The following ACP6 variants were observed in gnomAD, a reference collection of about 807,000 sequenced individuals.
ACP6 encodes the protein acid phosphatase 6, lysophosphatidic.
Under a neutral mutation model 48.1 loss-of-function variants are expected in ACP6, and 48 were observed. That is an observed-to-expected ratio of 1.00 (90% CI 0.79 to 1.27). ACP6 has a LOEUF of 1.27. ACP6 is among the 50% of genes most tolerant of loss of function. The pLI, the probability that ACP6 is intolerant of heterozygous loss-of-function variation, is 0.00. For missense variants in ACP6, 485 were observed against 529.1 expected (o/e 0.92, Z 0.82); for synonymous variants, 172 against 204.2 (o/e 0.84, Z 1.34).
chr1:147,636,235 T>C (rs1659296859), intron 5 of ACP6, among the ~76,000 whole-genome samples: 1 of 151,858 alleles, frequency 6.6e-6, no homozygotes, highest in African/African-American at 2.4e-5. Flanking sequence ...GCAAGAGAAA[T>C]AGGATGGTTA....
intron 5 of ACP6, among the ~76,000 whole-genome samples, chr1:147,635,407 C>G (rs1659271548): frequency 6.6e-6 from 1 of 152,200 alleles, no homozygotes; most frequent in African/African-American, 2.4e-5. Context: ...GATTTAACTG[C>G]TTTCATTTTC....
downstream of ACP6, among the ~76,000 whole-genome samples, chr1:147,637,847 A>G (rs1034740288): frequency 6.6e-6 from 1 of 152,154 alleles, no homozygotes; most frequent in Non-Finnish European, 1.5e-5. Context: ...CATTCATTCA[A>G]TTAGTCATCC....
intron 6 of ACP6, among the ~76,000 whole-genome samples, chr1:147,653,387 C>A (rs1016145944): frequency 1.3e-5 from 2 of 151,788 alleles, no homozygotes; most frequent in South Asian, 4.2e-4. Flanking sequence ...CCTCAGCCTC[C>A]CAAAGTGCTG....
chr1:147,654,315 TGCCTCCG>T lies in ACP6; in HGVS notation c.652_658del (p.Arg219LeufsTer12), dbSNP rs782431232. 1 of 1,614,224 alleles carries T rather than the reference TGCCTCCG, an allele frequency of 6.2e-7. No individual in the cohort carries two copies. The highest frequency in any genetic ancestry group is 1.1e-5 in the South Asian group (1 of 91,088). ...GATTCCTGGCTGTAAAGAGGCAGTC[TGCCTCCG>T]GCCTCTGACAAAAAATAAAAAGTAA... On this transcript the variant is annotated frameshift_variant, in exon 6 of 10. Transcript: ENST00000583509. LOFTEE classifies it high-confidence loss of function.
chr1:147,657,231 A>G (rs994165265), intron 4 of ACP6, among the ~76,000 whole-genome samples: 6 of 152,212 alleles, frequency 3.9e-5, no homozygotes, highest in Non-Finnish European at 7.3e-5. Context: ...AATAAGGCAC[A>G]CTTGAGTAGA....
downstream of ACP6, among the ~76,000 whole-genome samples, chr1:147,638,919 C>T (rs113133012): frequency 1.4e-4 from 22 of 152,286 alleles, no homozygotes; most frequent in Admixed American, 3.3e-4. Flanking sequence ...TGCAGTGGCA[C>T]GAACACGGGC....
At chr1:147,661,794 A>C (rs1295819020) in intron 1 of ACP6, among the ~76,000 whole-genome samples, 2 of 152,234 alleles carry the variant, frequency 1.3e-5, no homozygotes, top group Non-Finnish European at 2.9e-5. Context: ...TGAGAAAGTG[A>C]AACAACCTTA....
At chr1:147,659,142 AGGAGAG>A in intron 3 of ACP6, 103 bp from the exon 4 acceptor site, 1 of 1,179,916 alleles carries the variant, frequency 8.5e-7, no homozygotes, top group Non-Finnish European at 1.2e-6. Flanking sequence ...AGAGTACATA[AGGAGAG>A]CTATGGAACT....
At chr1:147,666,845 A>C (rs1660823741) in intron 1 of ACP6, among the ~76,000 whole-genome samples, 1 of 152,198 alleles carries the variant, frequency 6.6e-6, no homozygotes, top group Middle Eastern at 3.2e-3. Flanking sequence ...CGCTTCTTTT[A>C]GCTGAGTTTT....
At chr1:147,653,989 G>C (rs1489930780) in intron 6 of ACP6, among the ~76,000 whole-genome samples, 3 of 152,116 alleles carry the variant, frequency 2.0e-5, no homozygotes, top group African/African-American at 4.8e-5. Flanking sequence ...CTCTGGTCTA[G>C]AGTTCAGTGT....
intron 5 of ACP6, among the ~76,000 whole-genome samples, chr1:147,634,200 G>C (rs1327568482): frequency 6.6e-6 from 1 of 152,154 alleles, no homozygotes; most frequent in African/African-American, 2.4e-5. Flanking sequence ...TCTCTGATGA[G>C]TGACGTTGAG....
At position 147,645,866 on chromosome 1, in the gene ACP6, G is replaced by A. The variant is rs1659603919; in HGVS notation, c.*1557C>T. The A allele has an allele frequency of 6.6e-6, 1 of 152,092 alleles. No homozygotes were observed. Among genetic ancestry groups the A allele is most frequent in the Admixed American group, 6.5e-5 (1 of 15,272 alleles). 9.4% of individuals were successfully genotyped at this position (152,092 alleles called of 1,614,324 possible). On this transcript the variant is annotated 3_prime_UTR_variant, in exon 10 of 10. Coordinates refer to ENST00000583509, the MANE Select transcript of ACP6 (RefSeq NM_016361.5). ...TATTTGTATTGCTAATAGAATAATT[G>A]GTCAGGAAAAAAATTGACAATCCAG...
intron 5 of ACP6, among the ~76,000 whole-genome samples, chr1:147,634,418 T>C (rs587707738): frequency 1.0e-4 from 14 of 134,894 alleles, no homozygotes; most frequent in African/African-American, 4.0e-4. Flanking sequence ...CTGTTGATTG[T>C]GTCCTTTGAT....
intron 1 of ACP6, among the ~76,000 whole-genome samples, chr1:147,667,569 ATGAAG>A (rs1373352598): frequency 6.6e-5 from 10 of 152,360 alleles, no homozygotes; most frequent in African/African-American, 2.4e-4. Context: ...AGATGGCTGA[ATGAAG>A]TGACTTGTCA....
In ACP6 at chr1:147,669,232, T is replaced by C. The variant is rs1173534049; in HGVS notation, c.219+598A>G. On this transcript the variant is annotated intron_variant, in intron 1 of 9. Coordinates refer to ENST00000583509, the MANE Select transcript of ACP6 (RefSeq NM_016361.5). ...CCTCCCACTATAGGTTTAGTAACCT[T>C]AAATAGAAAAGGAGAACCCTAGAAT... is the stretch of plus-strand genomic sequence containing the variant. Among the ~76,000 whole-genome samples, 3 of 150,532 alleles carry C rather than the reference T, an allele frequency of 2.0e-5. No homozygotes were observed. In the Admixed American group the frequency reaches 2.0e-4, roughly 10 times the overall value.
downstream of ACP6, among the ~76,000 whole-genome samples, chr1:147,639,520 A>G (rs1659394553): frequency 6.6e-6 from 1 of 151,782 alleles, no homozygotes; most frequent in Non-Finnish European, 1.5e-5. Flanking sequence ...GTGTTATACA[A>G]CCCTCCCCTT....
In ACP6 at chr1:147,655,147, C is replaced by A; in HGVS notation, c.647+14G>T. 1 of 1,590,328 alleles carries A rather than the reference C, an allele frequency of 6.3e-7. No individual in the cohort carries two copies. Among genetic ancestry groups the A allele is most frequent in the South Asian group, 1.1e-5 (1 of 87,410 alleles). The stretch of plus-strand genomic sequence containing the variant: ...TTGTCCCCAACTGGTGAGCAAGAAC[C>A]CAGGGGCAGTTACCTGGTTCTCTGC... On this transcript the variant is annotated intron_variant, in intron 5 of 9. Transcript: ENST00000583509.
At position 147,652,577 on chromosome 1, in the gene ACP6, A is replaced by G. The variant is rs782339365; in HGVS notation, c.781-28T>C. 5 of 1,613,926 alleles carry G rather than the reference A, an allele frequency of 3.1e-6. No homozygotes were observed. In the East Asian group the frequency reaches 1.1e-4, roughly 36 times the overall value. ...GAAAGGGCCACATGTAGTTTTAGAAAAAAATGCTTCTTACCTACTGATTCT... is the reference window on the plus strand; with the variant it reads ...GAAAGGGCCACATGTAGTTTTAGAAGAAAATGCTTCTTACCTACTGATTCT... On this transcript the variant is annotated intron_variant, in intron 6 of 9. Transcript: ENST00000583509.
chr1:147,646,523 C>A lies in ACP6; in HGVS notation c.*900G>T, dbSNP rs1307060871. On this transcript the variant is annotated 3_prime_UTR_variant, in exon 10 of 10. Coordinates refer to ENST00000583509, the MANE Select transcript of ACP6 (RefSeq NM_016361.5). ...GGTAAAGGGACTGGTGGTTTGAAAT[C>A]AGAGAAGGGTTGAAATAGATTCTGG... 6.6e-6 allele frequency: 1 copy of A among 152,146 alleles called. No homozygotes were observed. The highest frequency in any genetic ancestry group is 1.5e-5 in the Non-Finnish European group (1 of 68,058). The allele number at this position is 152,146 out of a possible 1,614,324, so 9.4% of individuals were successfully genotyped here.
Sources: allele counts gnomAD v4.1 joint callset (sites outside exome capture counted in the v4.1 genomes callset), GRCh38; gene constraint gnomAD v4.1.1; transcripts MANE v1.5; gene names NCBI Gene and HGNC (gene_info 2026-07-23, HGNC 2026-07-21).